TESK2: variants seen among roughly 807,000 people sequenced by gnomAD.
TESK2 encodes testis associated actin remodelling kinase 2.
In TESK2, 39 loss-of-function variants were observed where a neutral mutation model predicts 57.1. The ratio of observed to expected loss-of-function variants is 0.68; its 90% CI spans 0.53 to 0.89. The LOEUF (loss-of-function observed/expected upper bound fraction) is 0.89, where lower values mean the gene tolerates loss of function less well. Ranked by LOEUF, TESK2 falls within the 40% of genes least tolerant of loss-of-function variation. The pLI is 0.00. For synonymous variants in TESK2, 249 were observed against 267.9 expected (o/e 0.93, Z 0.69); for missense variants, 646 against 732.1 (o/e 0.88, Z 1.36).
chr1:45,432,519 A>G (rs66732088), intron 2 of TESK2, among the ~76,000 whole-genome samples: 64,603 of 150,128 alleles, frequency 0.43, 14,930 homozygotes, highest in East Asian at 0.57. Flanking sequence ...GTGAAACCCC[A>G]TCTCTACTAA....
At chr1:45,371,997 C>T (rs747481946) in intron 4 of TESK2, among the ~76,000 whole-genome samples, 1 of 152,098 alleles carries the variant, frequency 6.6e-6, no homozygotes, top group Non-Finnish European at 1.5e-5. Context: ...CACTTCTATA[C>T]TCCCAGCACT....
At chr1:45,489,140 A>AG (rs1261664166) in intron 1 of TESK2, among the ~76,000 whole-genome samples, 1 of 151,538 alleles carries the variant, frequency 6.6e-6, no homozygotes, top group East Asian at 1.9e-4. Flanking sequence ...CCAAAGAAAA[A>AG]AAAAAAAAAG....
chr1:45,349,894 C>T (rs1439876063), intron 5 of TESK2, among the ~76,000 whole-genome samples: 1 of 152,222 alleles, frequency 6.6e-6, no homozygotes, highest in African/African-American at 2.4e-5. Flanking sequence ...GTAATTCCAG[C>T]ACTTTGGAAG....
intron 4 of TESK2, among the ~76,000 whole-genome samples, 197 bp downstream of exon 4, chr1:45,385,715 T>C (rs1261187975): frequency 6.9e-6 from 1 of 144,184 alleles, no homozygotes; most frequent in Non-Finnish European, 1.5e-5. Flanking sequence ...TGTGTGTATA[T>C]ATATATATAT....
chr1:45,364,972 C>T (rs1647847504), intron 4 of TESK2, among the ~76,000 whole-genome samples: 1 of 152,198 alleles, frequency 6.6e-6, no homozygotes. Flanking sequence ...TTTGGAGGGG[C>T]TCTTTGCAGA....
chr1:45,345,277 C>G lies in TESK2; in HGVS notation c.1279G>C (p.Val427Leu). ...GGCCCTGGTGCATCCAGGTCAAATA[C>G]CAGAGAGATGACAGACTTGCTGGGC... ...DLPSKSVISLVFDLDAPGPGT... is the reference protein window; with the variant it reads ...DLPSKSVISLLFDLDAPGPGT... The change falls in exon 11 of 11, where the codon GTA becomes CTA. Residue 427 changes from valine to leucine, a missense_variant. Physicochemically the swap from Val to Leu is conservative, Grantham distance 32 (BLOSUM62 1). Coordinates refer to ENST00000372086, the MANE Select transcript of TESK2 (RefSeq NM_007170.3). 1 of 1,614,154 alleles carries G rather than the reference C, an allele frequency of 6.2e-7. No individual in the cohort carries two copies. Among genetic ancestry groups the G allele is most frequent in the East Asian group, 2.2e-5 (1 of 44,884 alleles).
chr1:45,473,964 A>G (rs936223779), intron 1 of TESK2, among the ~76,000 whole-genome samples: 4 of 152,082 alleles, frequency 2.6e-5, no homozygotes, highest in Admixed American at 1.3e-4. Context: ...TGCCCAGCCA[A>G]TTGGGGAAGT....
chr1:45,367,717 G>C (rs1647990686), intron 4 of TESK2, among the ~76,000 whole-genome samples: 1 of 148,316 alleles, frequency 6.7e-6, no homozygotes, highest in Non-Finnish European at 1.5e-5. Flanking sequence ...CAGTGCAATG[G>C]AGTGATCTTG....
intron 3 of TESK2, among the ~76,000 whole-genome samples, chr1:45,413,670 T>C (rs1003761385): frequency 6.6e-6 from 1 of 152,064 alleles, no homozygotes; most frequent in Non-Finnish European, 1.5e-5. Context: ...AGAAGTTCAA[T>C]ATAAAAAAGA....
chr1:45,484,279 T>C (rs968155937), intron 1 of TESK2, among the ~76,000 whole-genome samples: 24 of 151,840 alleles, frequency 1.6e-4, no homozygotes, highest in Non-Finnish European at 2.9e-4. Context: ...TGGCTAATTT[T>C]TGTATTTTTA....
At chr1:45,434,942 T>C (rs974703410) in intron 2 of TESK2, among the ~76,000 whole-genome samples, 1 of 150,486 alleles carries the variant, frequency 6.6e-6, no homozygotes. Context: ...AAGTGTTTCC[T>C]CTGTTTACTT....
intron 3 of TESK2, chr1:45,413,874 T>C (rs1280249193): frequency 3.1e-5 from 14 of 455,790 alleles, no homozygotes; most frequent in Non-Finnish European, 4.4e-5. Flanking sequence ...TCTGCACCTA[T>C]AAAAGAAAGC....
At chr1:45,489,110 G>C (rs1465530773) in intron 1 of TESK2, among the ~76,000 whole-genome samples, 18 of 148,592 alleles carry the variant, frequency 1.2e-4, no homozygotes, top group Non-Finnish European at 2.5e-4. Context: ...CAGCCTGGGC[G>C]ACAGAGTGAG....
At chr1:45,363,295 C>T (rs1467666558) in intron 4 of TESK2, among the ~76,000 whole-genome samples, 2 of 152,292 alleles carry the variant, frequency 1.3e-5, no homozygotes, top group African/African-American at 2.4e-5. Context: ...ATTCCATTAG[C>T]TTTCTAACCT....
chr1:45,488,574 C>T (rs998353204), intron 1 of TESK2, among the ~76,000 whole-genome samples: 1 of 152,190 alleles, frequency 6.6e-6, no homozygotes, highest in African/African-American at 2.4e-5. Context: ...CTAGACATAC[C>T]TGCTCAAATC....
chr1:45,399,991 C>A (rs1649533282), intron 3 of TESK2, among the ~76,000 whole-genome samples: 1 of 152,156 alleles, frequency 6.6e-6, no homozygotes, highest in African/African-American at 2.4e-5. Context: ...GGTAGGCAGA[C>A]TAATGGCCCC....
In TESK2 at chr1:45,344,741, C is replaced by G. The variant is rs1647112976; in HGVS notation, c.*99G>C. 8.2e-7 allele frequency: 1 copy of G among 1,212,720 alleles called. No individual in the cohort carries two copies. Among genetic ancestry groups the G allele is most frequent in the Admixed American group, 2.4e-5 (1 of 41,516 alleles). The allele number at this position is 1,212,720 out of a possible 1,614,324, so 75.1% of individuals were successfully genotyped here. On this transcript the variant is annotated 3_prime_UTR_variant, in exon 11 of 11. Coordinates refer to ENST00000372086, the MANE Select transcript of TESK2 (RefSeq NM_007170.3). ...AGCCTGGCTTGGCCTAGCCTGCCTG[C>G]TCTGTAGGCTCCAGGGAAGAATCAA...
intron 2 of TESK2, among the ~76,000 whole-genome samples, chr1:45,436,774 C>T (rs1365381056): frequency 6.6e-6 from 1 of 150,584 alleles, no homozygotes; most frequent in Non-Finnish European, 1.5e-5. Context: ...AGGCATGAGC[C>T]ACTGTGCCCA....
chr1:45,473,743 T>C (rs1175551499), intron 1 of TESK2, among the ~76,000 whole-genome samples: 2 of 152,012 alleles, frequency 1.3e-5, no homozygotes, highest in Non-Finnish European at 2.9e-5. Context: ...AATGCAATGA[T>C]GATACTTGGC....
Sources: gnomAD v4.1 joint callset for allele counts (sites outside exome capture counted in the v4.1 genomes callset) on GRCh38, gnomAD v4.1.1 for gene constraint, MANE v1.5 for transcripts, NCBI Gene and HGNC (gene_info 2026-07-23, HGNC 2026-07-21) for gene names.